The following ZAP70 variants were observed in gnomAD, a reference collection of about 807,000 sequenced individuals.
ZAP70 encodes the protein tyrosine-protein kinase ZAP-70.
ZAP70 carries 27 observed loss-of-function variants against 65.8 expected under a neutral mutation model. The ratio of observed to expected loss-of-function variants is 0.41; its 90% CI spans 0.30 to 0.57. The LOEUF (loss-of-function observed/expected upper bound fraction) is 0.57, where lower values mean the gene tolerates loss of function less well. Among genes scored for constraint, ZAP70 ranks in the 20% least tolerant of loss-of-function variants. The pLI is 0.28. For missense variants in ZAP70, 696 were observed against 870.5 expected, an observed-to-expected ratio of 0.80 and a Z score of 2.52; for synonymous variants, 363 against 360.8, an observed-to-expected ratio of 1.01 and a Z score of -0.07.
intron 4 of ZAP70, among the ~76,000 whole-genome samples, chr2:97,729,877 T>C (rs1345073862): frequency 6.6e-6 from 1 of 152,220 alleles, no homozygotes; most frequent in African/African-American, 2.4e-5. Flanking sequence ...ATTGGTTAGC[T>C]TTTGCTGTGT....
At chr2:97,746,338 C>T in the ZAP70 span, among the ~76,000 whole-genome samples, 2 of 152,172 alleles carry the variant, frequency 1.3e-5, no homozygotes, top group East Asian at 3.9e-4. Flanking sequence ...TGTTTTACTA[C>T]AATTTTAAAA....
At chr2:97,716,579 G>A (rs1346637287) in intron 2 of ZAP70, among the ~76,000 whole-genome samples, 2 of 152,176 alleles carry the variant, frequency 1.3e-5, no homozygotes, top group Non-Finnish European at 2.9e-5. Flanking sequence ...TGAATAAAGT[G>A]GAAGGTGTTG....
At chr2:97,733,790 C>T (rs1039886281) in intron 8 of ZAP70, 195 bp downstream of exon 8, 3 of 684,562 alleles carry the variant, frequency 4.4e-6, no homozygotes, top group Admixed American at 4.7e-5. Context: ...CCAGTGTGTA[C>T]TGACGTGCAG....
chr2:97,727,480 C>A (rs1677435314), intron 4 of ZAP70, among the ~76,000 whole-genome samples: 1 of 152,168 alleles, frequency 6.6e-6, no homozygotes, highest in African/African-American at 2.4e-5. Flanking sequence ...TCACCCCACC[C>A]CAGGTGTGAC....
chr2:97,721,591 T>A, intron 2 of ZAP70, among the ~76,000 whole-genome samples: 1 of 143,588 alleles, frequency 7.0e-6, no homozygotes, highest in African/African-American at 2.6e-5. Context: ...TTTTTTTTTT[T>A]TTTTTTTTTT....
intron 4 of ZAP70, among the ~76,000 whole-genome samples, chr2:97,727,772 A>G (rs115315660): frequency 0.035 from 5,280 of 151,522 alleles, 305 homozygotes; most frequent in African/African-American, 0.12. Context: ...CATCCCCACC[A>G]TCTCTGCCTC....
the ZAP70 span, among the ~76,000 whole-genome samples, chr2:97,754,311 G>A: frequency 9.0e-4 from 137 of 152,266 alleles, no homozygotes; most frequent in African/African-American, 3.1e-3. Flanking sequence ...TTTGGTCGGG[G>A]GGGGTCTCAG....
At chr2:97,717,746 A>G (rs1676996232) in intron 2 of ZAP70, among the ~76,000 whole-genome samples, 1 of 152,204 alleles carries the variant, frequency 6.6e-6, no homozygotes, top group African/African-American at 2.4e-5. Context: ...CAGCATTTGA[A>G]ACTGTATTTG....
chr2:97,748,602 TGCG>T, the ZAP70 span, among the ~76,000 whole-genome samples: 1 of 152,186 alleles, frequency 6.6e-6, no homozygotes, highest in Non-Finnish European at 1.5e-5. Flanking sequence ...GCCTCTGTGC[TGCG>T]ACTGGCTGCG....
chr2:97,739,513 G>C lies in ZAP70; in HGVS notation c.*15G>C, dbSNP rs1228883284. The stretch of plus-strand genomic sequence containing the variant: ...CCTGTGCCTGAGCTCCCGCTGCCCA[G>C]GGGAGCCCTCCACGCCGGCTCTTCC... On this transcript the variant is annotated 3_prime_UTR_variant, in exon 14 of 14. Coordinates refer to ENST00000264972, the MANE Select transcript of ZAP70 (RefSeq NM_001079.4). 6.2e-7 allele frequency: 1 copy of C among 1,610,624 alleles called. No homozygotes were observed. The highest frequency in any genetic ancestry group is 1.1e-5 in the South Asian group (1 of 90,788).
At chr2:97,749,271 A>G in the ZAP70 span, among the ~76,000 whole-genome samples, 1 of 152,116 alleles carries the variant, frequency 6.6e-6, no homozygotes, top group Non-Finnish European at 1.5e-5. Context: ...GGCCTCCCAA[A>G]GTGCTAGGAT....
the ZAP70 span, among the ~76,000 whole-genome samples, chr2:97,749,083 C>T: frequency 6.7e-6 from 1 of 149,004 alleles, no homozygotes; most frequent in Non-Finnish European, 1.5e-5. Context: ...AATCTCGGCT[C>T]ACTGCAAGCT....
At chr2:97,746,953 T>C in the ZAP70 span, among the ~76,000 whole-genome samples, 3 of 152,150 alleles carry the variant, frequency 2.0e-5, no homozygotes, top group Non-Finnish European at 2.9e-5. Flanking sequence ...CATTGACTCA[T>C]TAATGAGCAC....
intron 2 of ZAP70, among the ~76,000 whole-genome samples, chr2:97,721,677 C>A (rs1209028253): frequency 6.6e-6 from 1 of 151,054 alleles, no homozygotes; most frequent in African/African-American, 2.4e-5. Context: ...TGTGATCCAC[C>A]CGCCTCGGCC....
At chr2:97,719,259 T>C (rs1475307177) in intron 2 of ZAP70, among the ~76,000 whole-genome samples, 1 of 147,692 alleles carries the variant, frequency 6.8e-6, no homozygotes, top group Non-Finnish European at 1.5e-5. Context: ...CCAACCGACC[T>C]CAGTCGGGCG....
chr2:97,741,138 C>T (rs1678116981), downstream of ZAP70, among the ~76,000 whole-genome samples: 1 of 152,088 alleles, frequency 6.6e-6, no homozygotes. Flanking sequence ...ATCTAGGAGC[C>T]TAGGAAGGCT....
chr2:97,733,688 G>A, intron 8 of ZAP70, 93 bp downstream of exon 8: 1 of 1,528,696 alleles, frequency 6.5e-7, no homozygotes. Flanking sequence ...GGGGGGCGCT[G>A]TGGGCCGGGC....
Position 97,739,675 on chromosome 2 carries a change from G to A in ZAP70, c.*177G>A. On this transcript the variant is annotated 3_prime_UTR_variant, in exon 14 of 14. Coordinates refer to ENST00000264972, the MANE Select transcript of ZAP70 (RefSeq NM_001079.4). Reference sequence around the variant, plus strand: ...GCCTGCCTGGCCCCCTGTCCTCTCTGGCTGGGGAGCAGGGAGGTCCGGGAG... The same window carrying A: ...GCCTGCCTGGCCCCCTGTCCTCTCTAGCTGGGGAGCAGGGAGGTCCGGGAG... 2 of 1,058,514 alleles carry A rather than the reference G, an allele frequency of 1.9e-6. No homozygotes were observed. Among genetic ancestry groups the A allele is most frequent in the Non-Finnish European group, 2.7e-6 (2 of 743,992 alleles). The allele number at this position is 1,058,514 out of a possible 1,614,324, so 65.6% of individuals were successfully genotyped here. A position where few individuals can be genotyped will look rare whatever the true frequency, so the allele number is the denominator to read the frequency against.
chr2:97,716,133 A>G (rs1676901505), intron 2 of ZAP70, among the ~76,000 whole-genome samples: 2 of 152,154 alleles, frequency 1.3e-5, no homozygotes, highest in African/African-American at 4.8e-5. Context: ...GAGGCCCAGT[A>G]GAAGGATGCA....
Sources: allele counts gnomAD v4.1 joint callset (sites outside exome capture counted in the v4.1 genomes callset), GRCh38; gene constraint gnomAD v4.1.1; transcripts MANE v1.5; gene names NCBI Gene and HGNC (gene_info 2026-07-23, HGNC 2026-07-21).